Variants in VPS37C observed in about 807,000 individuals in gnomAD.
VPS37C encodes vacuolar protein sorting-associated protein 37C.
A neutral mutation model predicts 16.1 loss-of-function variants in VPS37C; 9 were observed. The ratio of observed to expected loss-of-function variants is 0.56; its 90% confidence interval spans 0.34 to 0.97. The LOEUF is 0.97. VPS37C is among the 50% of genes least tolerant of loss of function. The pLI is 0.02. For synonymous variants in VPS37C, 207 were observed against 206.4 expected (o/e 1.00, Z -0.02); for missense variants, 479 against 472.7 (o/e 1.01, Z -0.12).
chr11:61,141,802 A>G (rs575673084), intron 1 of VPS37C, among the ~76,000 whole-genome samples: 91 of 152,328 alleles, frequency 6.0e-4, no homozygotes, highest in African/African-American at 2.1e-3. Context: ...GAGGCCCACC[A>G]CTGAGCATCT....
intron 1 of VPS37C, among the ~76,000 whole-genome samples, chr11:61,152,793 G>A (rs1010421150): frequency 5.9e-5 from 9 of 152,156 alleles, no homozygotes; most frequent in Admixed American, 3.9e-4. Flanking sequence ...CAAGGAATTC[G>A]CAGCACAGGC....
At chr11:61,142,975 TAAAAAAAAAAAA>T in intron 1 of VPS37C, among the ~76,000 whole-genome samples, 1 of 47,590 alleles carries the variant, frequency 2.1e-5, no homozygotes, top group Non-Finnish European at 4.2e-5. Context: ...AAAGAATAGC[TAAAAAAAAAAAA>T]AAAAAAAAAA....
At chr11:61,141,962 T>C (rs1177785172) in intron 1 of VPS37C, among the ~76,000 whole-genome samples, 1 of 152,218 alleles carries the variant, frequency 6.6e-6, no homozygotes, top group Non-Finnish European at 1.5e-5. Flanking sequence ...CTCAGTCTCA[T>C]ACACGGAGGT....
rs776170180 is a variant in VPS37C at position 61,133,324 on chromosome 11, T to C, written c.279A>G (p.Ser93=). 1 of 1,614,156 alleles carries C rather than the reference T, an allele frequency of 6.2e-7. No homozygotes were observed. The highest frequency in any genetic ancestry group is 2.2e-5 in the East Asian group (1 of 44,890). ...EQKAKLEKFS[S]ALQPGTLLDL... Reference sequence around the variant, plus strand: ...CTAACAAGGTCCCTGGCTGCAGTGCTGAAGAAAATTTCTCTGGAAGGGAGG... The same window carrying C: ...CTAACAAGGTCCCTGGCTGCAGTGCCGAAGAAAATTTCTCTGGAAGGGAGG... Residue 93 remains serine (S), a synonymous_variant, in exon 4 of 5, where the codon TCA becomes TCG. Coordinates refer to ENST00000301765, the MANE Select transcript of VPS37C (RefSeq NM_017966.5).
rs370440803 is a variant in VPS37C at position 61,133,357 on chromosome 11, G to A, written c.266-20C>T. ...ATTTCTCTGGAAGGGAGGGCAGAAC[G>A]ACTGACATTTGAAAAGTGCTTCCTG... On this transcript the variant is annotated intron_variant, in intron 3 of 4. Coordinates refer to ENST00000301765, the MANE Select transcript of VPS37C (RefSeq NM_017966.5). The A allele has an allele frequency of 9.9e-5, 159 of 1,612,166 alleles. No individual in the cohort carries two copies. Among genetic ancestry groups the A allele is most frequent in the East Asian group, 5.8e-4 (26 of 44,880 alleles).
intron 2 of VPS37C, among the ~76,000 whole-genome samples, chr11:61,136,054 T>C (rs1280412080): frequency 1.3e-5 from 2 of 152,064 alleles, no homozygotes; most frequent in Non-Finnish European, 2.9e-5. Context: ...TCAGCAACAA[T>C]GTATTGTATA....
Position 61,131,857 on chromosome 11 carries a change from A to G in VPS37C, c.1031T>C (p.Phe344Ser). 1 of 1,263,668 alleles carries G rather than the reference A, an allele frequency of 7.9e-7. No homozygotes were observed. Among genetic ancestry groups the G allele is most frequent in the East Asian group, 3.1e-5 (1 of 31,974 alleles). 78.3% of individuals were successfully genotyped at this position (1,263,668 alleles called of 1,614,324 possible). A position where few individuals can be genotyped will look rare whatever the true frequency, so the allele number is the denominator to read the frequency against. ...CCAGGCAGGCCCCGGCGGTGGTGGG[A>G]ACCCATAGGGAGGGGCGGGCCCGGG... ...YPPGPAPPYGFPPPPGPAWPG... is the reference protein window; with the variant it reads ...YPPGPAPPYGSPPPPGPAWPG... Residue 344 changes from phenylalanine to serine, a missense_variant, in exon 5 of 5, where the codon TTC becomes TCC. Transcript: ENST00000301765.
chr11:61,143,218 A>G (rs1438562811), intron 1 of VPS37C, among the ~76,000 whole-genome samples: 2 of 151,874 alleles, frequency 1.3e-5, no homozygotes, highest in African/African-American at 4.8e-5. Flanking sequence ...AGGCTGGGAG[A>G]GGTGACGTTA....
At chr11:61,140,622 G>A (rs183615373) in intron 1 of VPS37C, among the ~76,000 whole-genome samples, 354 of 152,306 alleles carry the variant, frequency 2.3e-3, no homozygotes, top group Non-Finnish European at 3.8e-3. Flanking sequence ...GGCAGGGCCC[G>A]GAAATCCGGA....
intron 1 of VPS37C, among the ~76,000 whole-genome samples, chr11:61,139,621 G>A (rs1385659827): frequency 6.6e-6 from 1 of 152,150 alleles, no homozygotes; most frequent in Non-Finnish European, 1.5e-5. Flanking sequence ...CCAGGCCCAG[G>A]AGGGAACCCC....
chr11:61,136,383 A>G (rs949628949), intron 2 of VPS37C, among the ~76,000 whole-genome samples: 3 of 152,080 alleles, frequency 2.0e-5, no homozygotes, highest in Non-Finnish European at 2.9e-5. Flanking sequence ...CATGTTGGCT[A>G]GGCTGCTCTC....
chr11:61,160,702 CCTT>C (rs1853459881), intron 1 of VPS37C, among the ~76,000 whole-genome samples: 1 of 152,182 alleles, frequency 6.6e-6, no homozygotes, highest in East Asian at 1.9e-4. Context: ...CCAGTTAACT[CCTT>C]CTCCCATCCG....
chr11:61,132,844 C>CA (rs1202535023), intron 4 of VPS37C: 3 of 551,852 alleles, frequency 5.4e-6, no homozygotes, highest in Non-Finnish European at 9.7e-6. Context: ...TGGATGAGCA[C>CA]TAGCCCAGGG....
At chr11:61,132,794 C>T (rs2066996) in intron 4 of VPS37C, 340,616 of 590,914 alleles carry the variant, frequency 0.58, 103,619 homozygotes, top group East Asian at 1. Context: ...TGGCATCATG[C>T]CAGGCCCACA....
chr11:61,152,463 C>T (rs1182126564), intron 1 of VPS37C, among the ~76,000 whole-genome samples: 1 of 152,156 alleles, frequency 6.6e-6, no homozygotes, highest in African/African-American at 2.4e-5. Context: ...CATCCTTGTA[C>T]AGAAAGTCTG....
At chr11:61,135,313 G>A (rs1861349929) in intron 2 of VPS37C, among the ~76,000 whole-genome samples, 1 of 152,238 alleles carries the variant, frequency 6.6e-6, no homozygotes, top group African/African-American at 2.4e-5. Flanking sequence ...CAGGCCCATT[G>A]CCTCTTCTTT....
chr11:61,153,419 T>C (rs1287413830), intron 1 of VPS37C, among the ~76,000 whole-genome samples: 2 of 152,194 alleles, frequency 1.3e-5, no homozygotes, highest in South Asian at 2.1e-4. Context: ...CTTTATTAGT[T>C]ACCCAGTCTT....
intron 2 of VPS37C, 179 bp downstream of exon 2, chr11:61,138,558 A>T: frequency 1.7e-6 from 1 of 601,552 alleles, no homozygotes; most frequent in Non-Finnish European, 2.9e-6. Context: ...CACTCCCAAG[A>T]ACTCCCAGGA....
At chr11:61,146,969 G>A (rs896031240) in intron 1 of VPS37C, among the ~76,000 whole-genome samples, 2 of 152,192 alleles carry the variant, frequency 1.3e-5, no homozygotes, top group African/African-American at 4.8e-5. Context: ...CCCTCCTGCA[G>A]CCTTGCCAGC....
Sources: allele counts gnomAD v4.1 joint callset (sites outside exome capture counted in the v4.1 genomes callset), GRCh38; gene constraint gnomAD v4.1.1; transcripts MANE v1.5; gene names NCBI Gene and HGNC (gene_info 2026-07-23, HGNC 2026-07-21).